Variants in SPESP1 observed in about 807,000 individuals in gnomAD.
SPESP1 encodes the protein sperm equatorial segment protein 1.
Under a neutral mutation model 3.1 loss-of-function variants are expected in SPESP1, and 1 was observed. The observed-to-expected ratio is 0.33, with a 90% CI of 0.12 to 1.54. SPESP1 has a LOEUF of 1.54. Among genes scored for constraint, SPESP1 ranks in the 40% most tolerant of loss-of-function variants. SPESP1 has a pLI of 0.38. For missense variants in SPESP1, 398 were observed against 410.1 expected (o/e 0.97, Z 0.26); for synonymous variants, 138 against 150.7 (o/e 0.92, Z 0.62).
rs769415385 is a variant in SPESP1, at chr15:68,945,584, A to AT, written c.65-9dup. 1.5e-4 allele frequency: 233 copies of AT among 1,520,298 alleles called. No homozygotes were observed. The highest frequency in any genetic ancestry group is 1.8e-4 in the Non-Finnish European group (208 of 1,140,940). 94.2% of individuals were successfully genotyped at this position (1,520,298 alleles called of 1,614,324 possible). A position where few individuals can be genotyped will look rare whatever the true frequency, so the allele number is the denominator to read the frequency against. ...ATAAATGTTACTTATTATTTATTTG[A>AT]TTTTTTCCCTGAAGGCATAACTGTG... On this transcript the variant is annotated splice_polypyrimidine_tract_variant and intron_variant, in intron 1 of 1. Coordinates refer to ENST00000310673, the MANE Select transcript of SPESP1 (RefSeq NM_145658.4).
At chr15:68,938,261 C>T (rs1011053590) in intron 1 of SPESP1, among the ~76,000 whole-genome samples, 3 of 152,180 alleles carry the variant, frequency 2.0e-5, no homozygotes, top group Admixed American at 6.5e-5. Flanking sequence ...GGCCACCAAG[C>T]GCAGCCTGAA....
intron 1 of SPESP1, among the ~76,000 whole-genome samples, chr15:68,931,046 A>T (rs1895522927): frequency 6.6e-6 from 1 of 152,062 alleles, no homozygotes; most frequent in African/African-American, 2.4e-5. Context: ...GGGTCGTGTG[A>T]CAGCTGCTGG....
Position 68,946,529 on chromosome 15 carries a change from A to G in SPESP1, c.995A>G (p.Asn332Ser), listed in dbSNP as rs1895972835. 1.9e-6 allele frequency: 3 copies of G among 1,588,700 alleles called. No individual in the cohort carries two copies. The highest frequency in any genetic ancestry group is 2.4e-5 in the South Asian group (2 of 84,888). Residue 332 changes from asparagine (N) to serine (S), a missense_variant, in exon 2 of 2, where the codon AAT becomes AGT. Coordinates refer to ENST00000310673, the MANE Select transcript of SPESP1 (RefSeq NM_145658.4). ...EMREKAATVF[N>S]TLKNMCRSRR... ...AGAGAAAAAGCTGCTACAGTATTCA[A>G]TACATTAAAAAATATGTGTAGATCA...
intron 1 of SPESP1, among the ~76,000 whole-genome samples, chr15:68,931,660 G>C (rs1895544802): frequency 2.6e-5 from 4 of 152,132 alleles, no homozygotes; most frequent in Non-Finnish European, 5.9e-5. Context: ...GACCTGCCAA[G>C]GAGCAATTTT....
intron 1 of SPESP1, 138 bp downstream of exon 1, chr15:68,930,855 C>T (rs1166129749): frequency 4.5e-6 from 6 of 1,337,782 alleles, no homozygotes; most frequent in Admixed American, 2.0e-5. Flanking sequence ...GTCCTGGCCT[C>T]GACGCCGAGG....
chr15:68,941,448 A>G (rs1007255499), intron 1 of SPESP1, among the ~76,000 whole-genome samples: 1 of 152,224 alleles, frequency 6.6e-6, no homozygotes, highest in East Asian at 1.9e-4. Flanking sequence ...CCCTGAGCCA[A>G]AATCAAGGCA....
chr15:68,930,803 C>T, intron 1 of SPESP1, 86 bp downstream of exon 1: 3 of 1,597,778 alleles, frequency 1.9e-6, no homozygotes, highest in Non-Finnish European at 2.6e-6. Context: ...CTGGCCCTTC[C>T]TTCTCCCTGG....
chr15:68,931,760 G>A (rs989636383), intron 1 of SPESP1, among the ~76,000 whole-genome samples: 1 of 152,156 alleles, frequency 6.6e-6, no homozygotes, highest in Admixed American at 6.5e-5. Flanking sequence ...GGCACCTTAA[G>A]GCACTTAGTA....
chr15:68,930,529 C>A lies in SPESP1; in HGVS notation c.-125C>A. Reference sequence around the variant, plus strand: ...GCTTGCGCGCTGGGGACAACCGTTGCTGGGTGTCCCAGGGCCTGAGGCAGG... The same window carrying A: ...GCTTGCGCGCTGGGGACAACCGTTGATGGGTGTCCCAGGGCCTGAGGCAGG... On this transcript the variant is annotated 5_prime_UTR_variant, in exon 1 of 2. It adds an upstream start codon to the 5' untranslated region. Coordinates refer to ENST00000310673, the MANE Select transcript of SPESP1 (RefSeq NM_145658.4). 7.5e-7 allele frequency: 1 copy of A among 1,325,094 alleles called. No individual in the cohort carries two copies. The highest frequency in any genetic ancestry group is 1.1e-6 in the Non-Finnish European group (1 of 947,322). The allele number at this position is 1,325,094 out of a possible 1,614,324, so 82.1% of individuals were successfully genotyped here.
rs772645700 is a variant in SPESP1 at position 68,946,660 on chromosome 15, A to C, written c.*73A>C. Reference sequence around the variant, plus strand: ...TGATTTAAGCAAACTGCATTTTTTCACAGGAGAAATAATCATATTCGTAAT... The same window carrying C: ...TGATTTAAGCAAACTGCATTTTTTCCCAGGAGAAATAATCATATTCGTAAT... On this transcript the variant is annotated 3_prime_UTR_variant, in exon 2 of 2. Transcript: ENST00000310673. 1.4e-4 allele frequency: 187 copies of C among 1,316,234 alleles called. No individual in the cohort carries two copies. Among genetic ancestry groups the C allele is most frequent in the Non-Finnish European group, 1.7e-4 (171 of 1,028,974 alleles). The allele number at this position is 1,316,234 out of a possible 1,614,324, so 81.5% of individuals were successfully genotyped here.
At chr15:68,936,070 T>G in intron 1 of SPESP1, among the ~76,000 whole-genome samples, 1 of 152,220 alleles carries the variant, frequency 6.6e-6, no homozygotes, top group East Asian at 1.9e-4. Context: ...TCATGGTATG[T>G]ATAGAAAATA....
At chr15:68,937,948 G>A (rs8023927) in intron 1 of SPESP1, among the ~76,000 whole-genome samples, 143,022 of 152,232 alleles carry the variant, frequency 0.94, 67,656 homozygotes, top group Non-Finnish European at 1. Flanking sequence ...TATTTATTGA[G>A]TGAAGTTTTA....
At chr15:68,931,732 T>G (rs1210788299) in intron 1 of SPESP1, among the ~76,000 whole-genome samples, 2 of 152,198 alleles carry the variant, frequency 1.3e-5, no homozygotes, top group South Asian at 4.1e-4. Context: ...GACTTTACTA[T>G]ATTAACAATA....
chr15:68,946,409 A>G lies in SPESP1; in HGVS notation c.875A>G (p.Lys292Arg). The stretch of plus-strand genomic sequence containing the variant: ...TTGCCAGTAGGACGAACAAGTAATA[A>G]AATTGATGACATCGAAACTGTTATT... ...QLLPVGRTSN[K>R]IDDIETVINM... is the part of the protein sequence containing the mutation. Residue 292 changes from lysine to arginine, a missense_variant, in exon 2 of 2, where the codon AAA (lysine) becomes AGA (arginine). Coordinates refer to ENST00000310673, the MANE Select transcript of SPESP1 (RefSeq NM_145658.4). 6.2e-7 allele frequency: 1 copy of G among 1,614,096 alleles called. No individual in the cohort carries two copies. Among genetic ancestry groups the G allele is most frequent in the East Asian group, 2.2e-5 (1 of 44,860 alleles).
chr15:68,930,848 C>T (rs1375008705), intron 1 of SPESP1, 131 bp downstream of exon 1: 1 of 1,390,618 alleles, frequency 7.2e-7, no homozygotes, highest in Non-Finnish European at 9.9e-7. Context: ...GTCCGGGGTC[C>T]TGGCCTCGAC....
intron 1 of SPESP1, among the ~76,000 whole-genome samples, chr15:68,943,293 A>G (rs1448429538): frequency 6.6e-6 from 1 of 152,220 alleles, no homozygotes; most frequent in Non-Finnish European, 1.5e-5. Context: ...TTTAAAAAGT[A>G]TTATAAGGAT....
chr15:68,941,950 C>T (rs932045385), intron 1 of SPESP1, among the ~76,000 whole-genome samples: 1 of 152,160 alleles, frequency 6.6e-6, no homozygotes, highest in African/African-American at 2.4e-5. Flanking sequence ...TCAGCCTTCC[C>T]ACTAGCTGGG....
chr15:68,939,219 C>T (rs570295609), intron 1 of SPESP1, among the ~76,000 whole-genome samples: 4 of 152,148 alleles, frequency 2.6e-5, no homozygotes, highest in Non-Finnish European at 4.4e-5. Flanking sequence ...AAGATTCTTA[C>T]CTGGGCCAGA....
chr15:68,934,656 A>G (rs574282925), intron 1 of SPESP1, among the ~76,000 whole-genome samples: 3 of 152,306 alleles, frequency 2.0e-5, no homozygotes, highest in Non-Finnish European at 4.4e-5. Context: ...TGATCATATT[A>G]TCCCTTAAAT....
Sources: gnomAD v4.1 joint callset for allele counts (sites outside exome capture counted in the v4.1 genomes callset) on GRCh38, gnomAD v4.1.1 for gene constraint, MANE v1.5 for transcripts, NCBI Gene and HGNC (gene_info 2026-07-23, HGNC 2026-07-21) for gene names.